Variants in STAU2 observed in about 807,000 individuals in gnomAD.
The protein encoded by STAU2 is staufen double-stranded RNA binding protein 2.
In STAU2, 20 loss-of-function variants were observed where a neutral mutation model predicts 65.9. The observed-to-expected ratio is 0.30, with a 90% CI of 0.21 to 0.44. The LOEUF is 0.44. Ranked by LOEUF, STAU2 falls within the 20% of genes least tolerant of loss-of-function variation. The probability of loss-of-function intolerance (pLI) is 1.00; values close to 1 mark genes in which losing one functional copy is unlikely to be tolerated. For synonymous variants in STAU2, 232 were observed against 233.9 expected, an observed-to-expected ratio of 0.99 and a Z score of 0.07; for missense variants, 558 against 683.9, an observed-to-expected ratio of 0.82 and a Z score of 2.05.
intron 13 of STAU2, among the ~76,000 whole-genome samples, chr8:73,502,849 G>A (rs1821841670): frequency 6.6e-6 from 1 of 151,884 alleles, no homozygotes; most frequent in South Asian, 2.1e-4. Flanking sequence ...AAATCCACAT[G>A]GGCACATATT....
chr8:73,527,546 T>C (rs962706938), intron 13 of STAU2: 11 of 467,980 alleles, frequency 2.4e-5, no homozygotes, highest in African/African-American at 2.1e-4. Context: ...ACAAACAATT[T>C]TGATTTTTCA....
chr8:73,584,840 G>A (rs1462055228), intron 11 of STAU2, among the ~76,000 whole-genome samples: 1 of 152,136 alleles, frequency 6.6e-6, no homozygotes, highest in East Asian at 1.9e-4. Flanking sequence ...CAGTTCCAAG[G>A]GATGAAAGAA....
chr8:73,475,200 G>T (rs1203727627), intron 13 of STAU2, among the ~76,000 whole-genome samples: 1 of 152,104 alleles, frequency 6.6e-6, no homozygotes, highest in Non-Finnish European at 1.5e-5. Context: ...ACACAGGTGT[G>T]TTCAGTTTAT....
intron 12 of STAU2, among the ~76,000 whole-genome samples, chr8:73,552,626 G>C (rs894197639): frequency 2.0e-5 from 3 of 152,124 alleles, no homozygotes; most frequent in Non-Finnish European, 1.5e-5. Flanking sequence ...TAATGGGGCA[G>C]AAAATCAGGA....
chr8:73,684,169 G>T (rs988411516), intron 5 of STAU2, among the ~76,000 whole-genome samples: 9 of 152,218 alleles, frequency 5.9e-5, no homozygotes, highest in African/African-American at 2.2e-4. Context: ...TAAGCATAAT[G>T]AGCAAATCTG....
intron 3 of STAU2, among the ~76,000 whole-genome samples, chr8:73,718,100 CGTATTAG>C (rs897630388): frequency 6.6e-6 from 1 of 152,158 alleles, no homozygotes; most frequent in African/African-American, 2.4e-5. Context: ...GGGGAACTAA[CGTATTAG>C]GTTCTTGCAA....
intron 10 of STAU2, among the ~76,000 whole-genome samples, chr8:73,597,683 A>G (rs1480501146): frequency 6.7e-6 from 1 of 148,454 alleles, no homozygotes; most frequent in African/African-American, 2.5e-5. Flanking sequence ...AAAAAAAAAA[A>G]AAAAAAAAAA....
chr8:73,605,127 T>G (rs887974937), intron 9 of STAU2, among the ~76,000 whole-genome samples: 2 of 152,044 alleles, frequency 1.3e-5, no homozygotes, highest in Admixed American at 1.3e-4. Context: ...TCAGAAAGAA[T>G]AGTAAGTAAA....
chr8:73,563,875 C>T (rs985425574), intron 12 of STAU2, among the ~76,000 whole-genome samples: 2 of 152,142 alleles, frequency 1.3e-5, no homozygotes, highest in Non-Finnish European at 2.9e-5. Context: ...GAAGTCCCAG[C>T]CCTTATTCCT....
At chr8:73,482,002 T>A (rs71527216) in intron 13 of STAU2, among the ~76,000 whole-genome samples, 16,599 of 152,204 alleles carry the variant, frequency 0.11, 1,228 homozygotes, top group African/African-American at 0.21. Context: ...GGTGGGGTTC[T>A]TTTTCCTTTT....
chr8:73,574,704 C>G (rs929353973), intron 12 of STAU2, among the ~76,000 whole-genome samples: 1 of 152,056 alleles, frequency 6.6e-6, no homozygotes, highest in African/African-American at 2.4e-5. Context: ...GGGAACTGAA[C>G]AATGAGAATA....
At chr8:73,621,987 C>T (rs1025237089) in intron 6 of STAU2, among the ~76,000 whole-genome samples, 9 of 146,294 alleles carry the variant, frequency 6.2e-5, no homozygotes, top group Admixed American at 2.7e-4. Flanking sequence ...GACGAAGTCT[C>T]GCTCTGCTGC....
rs756486031 is a variant in STAU2, at chr8:73,617,361, A to G, written c.501T>C (p.Ala167=). ...FFGEGKTRQA[A]RHNAAMKALQ... is the part of the protein sequence containing the mutation. ...GGGCTTTCATTGCAGCATTGTGTCT[A>G]GCAGCTTGTCGAGTCTTTCCTTCCC... Residue 167 remains alanine, a synonymous_variant, in exon 7 of 15, where the codon GCT becomes GCC. Coordinates refer to ENST00000524300, the MANE Select transcript of STAU2 (RefSeq NM_001164380.2). 3 of 1,614,034 alleles carry G rather than the reference A, an allele frequency of 1.9e-6. No homozygotes were observed. The African/African-American group carries it at 4.0e-5, about 22-fold the overall frequency.
intron 13 of STAU2, among the ~76,000 whole-genome samples, chr8:73,433,419 T>C (rs1817449426): frequency 6.6e-6 from 1 of 151,410 alleles, no homozygotes; most frequent in Admixed American, 6.6e-5. Flanking sequence ...TTGGCCAGGA[T>C]GGTCTCGATC....
chr8:73,692,632 T>C (rs1456852157), intron 4 of STAU2, among the ~76,000 whole-genome samples: 1 of 152,340 alleles, frequency 6.6e-6, no homozygotes, highest in Non-Finnish European at 1.5e-5. Flanking sequence ...AAGAGGGTGC[T>C]GAGAGCCCCC....
chr8:73,715,961 C>A (rs1221832406), intron 3 of STAU2, among the ~76,000 whole-genome samples: 1 of 152,144 alleles, frequency 6.6e-6, no homozygotes, highest in Non-Finnish European at 1.5e-5. Context: ...GTCACCCAGG[C>A]TACAGTGCAG....
intron 9 of STAU2, among the ~76,000 whole-genome samples, chr8:73,609,066 A>T (rs902171049): frequency 6.6e-6 from 1 of 152,184 alleles, no homozygotes; most frequent in Admixed American, 6.5e-5. Flanking sequence ...ATGCTGCAGG[A>T]GAAAGAGGTT....
In STAU2 at chr8:73,518,106, C is replaced by T. The variant is rs1458422682; in HGVS notation, c.1530+33906G>A. 3.3e-5 allele frequency among the ~76,000 whole-genome samples: 5 copies of T among 152,146 alleles called. No individual in the cohort carries two copies. In the East Asian group the frequency reaches 9.6e-4, roughly 29 times the overall value. ...ATTTCAGCAAGGAGAGAAAAGTAAC[C>T]TTTGCCATAGGCAAACTTTCTTTTA... On this transcript the variant is annotated intron_variant, in intron 13 of 14. Transcript: ENST00000524300.
At chr8:73,709,276 G>T (rs1188163597) in intron 3 of STAU2, 114 bp from the exon 4 acceptor site, 3 of 980,854 alleles carry the variant, frequency 3.1e-6, no homozygotes, top group East Asian at 2.8e-5. Context: ...CATGAATTTT[G>T]TATTTTAAAA....
Sources: allele counts gnomAD v4.1 joint callset (sites outside exome capture counted in the v4.1 genomes callset), GRCh38; gene constraint gnomAD v4.1.1; transcripts MANE v1.5; gene names NCBI Gene and HGNC (gene_info 2026-07-23, HGNC 2026-07-21).